The following YES1 variants were observed in gnomAD, a reference collection of about 807,000 sequenced individuals.
The protein encoded by YES1 is tyrosine-protein kinase Yes.
In YES1, 39 loss-of-function variants were observed where a neutral mutation model predicts 70.4. That is an observed-to-expected ratio of 0.55 (90% CI 0.43 to 0.72). The LOEUF (loss-of-function observed/expected upper bound fraction) is 0.72, where lower values mean the gene tolerates loss of function less well. Among genes scored for constraint, YES1 ranks in the 30% least tolerant of loss-of-function variants. The probability of loss-of-function intolerance (pLI) is 0.00; values close to 1 mark genes in which losing one functional copy is unlikely to be tolerated. For missense variants in YES1, 495 were observed against 644.8 expected (o/e 0.77, Z 2.52); for synonymous variants, 198 against 218.6 (o/e 0.91, Z 0.83).
intron 3 of YES1, among the ~76,000 whole-genome samples, chr18:751,297 G>A (rs1175984951): frequency 6.6e-6 from 1 of 151,896 alleles, no homozygotes; most frequent in Non-Finnish European, 1.5e-5. Context: ...TCATCAATTG[G>A]AAAGTAGATG....
At position 786,303 on chromosome 18, in the gene YES1, A is replaced by G. The variant is rs534950468; in HGVS notation, c.-9+25811T>C. ...TTCCTTCTTTGTCACAATATCAAACATGGAGACTTTTTCCCTTTTTTCTTC... is the reference window on the plus strand; with the variant it reads ...TTCCTTCTTTGTCACAATATCAAACGTGGAGACTTTTTCCCTTTTTTCTTC... On this transcript the variant is annotated intron_variant, in intron 1 of 11. Transcript: ENST00000314574. Among the ~76,000 whole-genome samples, 14 of 152,144 alleles carry G rather than the reference A, an allele frequency of 9.2e-5. No individual in the cohort carries two copies. The South Asian group carries it at 2.3e-3, about 25-fold the overall frequency.
chr18:751,277 CA>C (rs1436649494), intron 3 of YES1, among the ~76,000 whole-genome samples: 1 of 152,108 alleles, frequency 6.6e-6, no homozygotes, highest in African/African-American at 2.4e-5. Flanking sequence ...AGGAAAAACA[CA>C]ACTTAATTTC....
intron 1 of YES1, among the ~76,000 whole-genome samples, chr18:789,589 A>G (rs1906136243): frequency 6.6e-6 from 1 of 152,186 alleles, no homozygotes; most frequent in Non-Finnish European, 1.5e-5. Flanking sequence ...TCTCAAAACA[A>G]AAACAAAAAC....
At chr18:789,302 C>T (rs562399060) in intron 1 of YES1, among the ~76,000 whole-genome samples, 1 of 152,188 alleles carries the variant, frequency 6.6e-6, no homozygotes, top group South Asian at 2.1e-4. Context: ...AACAACTTTG[C>T]GAGGCATGGT....
intron 11 of YES1, among the ~76,000 whole-genome samples, chr18:731,763 C>G (rs960940697): frequency 6.6e-6 from 1 of 151,438 alleles, no homozygotes. Flanking sequence ...GTCAGGAGAT[C>G]GAGACCATCC....
intron 1 of YES1, among the ~76,000 whole-genome samples, chr18:782,937 C>T (rs1417463472): frequency 6.6e-6 from 1 of 152,230 alleles, no homozygotes; most frequent in Non-Finnish European, 1.5e-5. Flanking sequence ...CTGTCTTGGC[C>T]TCCCGAAGTG....
intron 1 of YES1, among the ~76,000 whole-genome samples, chr18:808,174 T>C (rs1053066516): frequency 6.6e-6 from 1 of 152,200 alleles, no homozygotes; most frequent in South Asian, 2.1e-4. Context: ...GTCTGCTAGT[T>C]CCAAGACAAC....
chr18:742,391 G>A (rs2080225769), intron 8 of YES1, among the ~76,000 whole-genome samples: 1 of 151,396 alleles, frequency 6.6e-6, no homozygotes, highest in African/African-American at 2.4e-5. Context: ...GGCCAAAAAG[G>A]GAGGACTGCC....
At chr18:798,882 C>G (rs891454743) in intron 1 of YES1, among the ~76,000 whole-genome samples, 2 of 150,942 alleles carry the variant, frequency 1.3e-5, no homozygotes, top group African/African-American at 4.8e-5. Context: ...TAATATAAAC[C>G]CGAGATGACA....
intron 2 of YES1, among the ~76,000 whole-genome samples, chr18:754,912 T>C (rs922444934): frequency 2.0e-5 from 3 of 152,160 alleles, no homozygotes; most frequent in Admixed American, 2.0e-4. Context: ...AACAGAAACT[T>C]TGTCTTGCTC....
At chr18:775,332 G>A (rs529940533) in intron 1 of YES1, 1 of 152,212 alleles carries the variant, frequency 6.6e-6, no homozygotes, top group East Asian at 1.9e-4. Context: ...AAATGTACAA[G>A]TGAATGAATT....
At chr18:796,526 T>C (rs1432383064) in intron 1 of YES1, among the ~76,000 whole-genome samples, 2 of 152,122 alleles carry the variant, frequency 1.3e-5, no homozygotes, top group African/African-American at 2.4e-5. Flanking sequence ...TCTCAGCACT[T>C]TGGGAGACCG....
At chr18:812,513 G>C (rs186695548), upstream of YES1, 2 of 152,424 alleles carry the variant, frequency 1.3e-5, no homozygotes, top group Admixed American at 1.3e-4. Context: ...CTGTGGTCAG[G>C]ATAGGCGACC....
intron 1 of YES1, among the ~76,000 whole-genome samples, chr18:757,082 T>C (rs1176401740): frequency 6.6e-6 from 1 of 152,208 alleles, no homozygotes; most frequent in East Asian, 1.9e-4. Context: ...AATGACAACA[T>C]GCCACAGTAT....
intron 1 of YES1, among the ~76,000 whole-genome samples, chr18:795,534 G>A (rs969230267): frequency 3.9e-5 from 6 of 152,214 alleles, no homozygotes; most frequent in African/African-American, 1.4e-4. Flanking sequence ...ACTGGATAAA[G>A]AAAATGTGGC....
chr18:737,535 G>A (rs12967001), intron 9 of YES1: 12,607 of 152,186 alleles, frequency 0.083, 733 homozygotes, highest in Non-Finnish European at 0.12. Context: ...AGGAGAAGAG[G>A]TAAATCACAA....
chr18:770,268 C>CTTTTTTTTTTT (rs11324966), intron 1 of YES1, among the ~76,000 whole-genome samples: 1 of 140,134 alleles, frequency 7.1e-6, no homozygotes, highest in African/African-American at 2.6e-5. Context: ...GCCCTTTTAT[C>CTTTTTTTTTTT]TTTTTTTTTT....
chr18:732,001 G>C (rs566335962), intron 11 of YES1, among the ~76,000 whole-genome samples: 2 of 140,638 alleles, frequency 1.4e-5, no homozygotes, highest in African/African-American at 2.6e-5. Flanking sequence ...TCTTAATTTT[G>C]AAAGGGAAAC....
At position 763,634 on chromosome 18, in the gene YES1, G is replaced by A. The variant is rs1163860368; in HGVS notation, c.-8-6799C>T. On this transcript the variant is annotated intron_variant, in intron 1 of 11. Coordinates refer to ENST00000314574, the MANE Select transcript of YES1 (RefSeq NM_005433.4). Reference sequence around the variant, plus strand: ...GGGAAGATCACCTGAGCCCAGGGAGGTCAAGGCTGCAGTGAGCTGTGATCG... The same window carrying A: ...GGGAAGATCACCTGAGCCCAGGGAGATCAAGGCTGCAGTGAGCTGTGATCG... 1.4e-4 allele frequency among the ~76,000 whole-genome samples: 21 copies of A among 147,200 alleles called. No individual in the cohort carries two copies. In the Admixed American group the frequency reaches 1.5e-3, roughly 10 times the overall value.
Sources: gnomAD v4.1 joint callset for allele counts (sites outside exome capture counted in the v4.1 genomes callset) on GRCh38, gnomAD v4.1.1 for gene constraint, MANE v1.5 for transcripts, NCBI Gene and HGNC (gene_info 2026-07-23, HGNC 2026-07-21) for gene names.